Variants in ADCK1 observed in about 807,000 individuals in gnomAD.
The protein encoded by ADCK1 is aarF domain containing kinase 1, also known as aarF domain-containing protein kinase 1.
Under a neutral mutation model 52.3 loss-of-function variants are expected in ADCK1, and 41 were observed. The observed-to-expected ratio is 0.78, with a 90% CI of 0.61 to 1.02. The LOEUF (loss-of-function observed/expected upper bound fraction) is 1.02, where lower values mean the gene tolerates loss of function less well. Ranked by LOEUF, ADCK1 falls within the 50% of genes least tolerant of loss-of-function variation. The pLI is 0.00. For missense variants in ADCK1, 658 were observed against 679.5 expected, an observed-to-expected ratio of 0.97 and a Z score of 0.35; for synonymous variants, 250 against 274.6, an observed-to-expected ratio of 0.91 and a Z score of 0.89.
At chr14:77,886,672 T>C (rs3825689) in intron 4 of ADCK1, among the ~76,000 whole-genome samples, 42,080 of 152,010 alleles carry the variant, frequency 0.28, 6,919 homozygotes, top group African/African-American at 0.45. Flanking sequence ...CTCACGCCTG[T>C]AATCCTAGCA....
chr14:77,868,584 C>T (rs1351837816), intron 4 of ADCK1, among the ~76,000 whole-genome samples: 1 of 152,174 alleles, frequency 6.6e-6, no homozygotes, highest in Non-Finnish European at 1.5e-5. Flanking sequence ...AGTTCACTCT[C>T]AGTCCACAGG....
intron 4 of ADCK1, among the ~76,000 whole-genome samples, chr14:77,884,797 G>T (rs749096398): frequency 1.3e-5 from 2 of 152,230 alleles, no homozygotes; most frequent in South Asian, 4.1e-4. Flanking sequence ...GATTGAGTCT[G>T]ATTGGACCAG....
chr14:77,910,712 A>G (rs1025589898), intron 7 of ADCK1, among the ~76,000 whole-genome samples: 2 of 152,236 alleles, frequency 1.3e-5, no homozygotes, highest in African/African-American at 4.8e-5. Flanking sequence ...AAATGCAAAC[A>G]CAGAAAGGTG....
At chr14:77,883,441 T>C (rs1370881212) in intron 4 of ADCK1, among the ~76,000 whole-genome samples, 2 of 152,152 alleles carry the variant, frequency 1.3e-5, no homozygotes, top group East Asian at 3.9e-4. Flanking sequence ...GGGTCTATTT[T>C]TCCTTACCAT....
At chr14:77,834,996 C>T (rs1202599332) in intron 3 of ADCK1, among the ~76,000 whole-genome samples, 1 of 152,186 alleles carries the variant, frequency 6.6e-6, no homozygotes, top group African/African-American at 2.4e-5. Context: ...TGAAAACCTC[C>T]AGCAGTTTTC....
At chr14:77,810,129 T>G (rs530673364) in intron 1 of ADCK1, among the ~76,000 whole-genome samples, 2 of 152,084 alleles carry the variant, frequency 1.3e-5, no homozygotes, top group East Asian at 3.8e-4. Flanking sequence ...ATTACTTTTT[T>G]TTTTCTTGAG....
At chr14:77,877,985 AGCTCTCTCT>A (rs2082936413) in intron 4 of ADCK1, among the ~76,000 whole-genome samples, 1 of 126,940 alleles carries the variant, frequency 7.9e-6, no homozygotes, top group Non-Finnish European at 1.8e-5. Context: ...TTCTCAGAGA[AGCTCTCTCT>A]GCTCTCCCTG....
At chr14:77,920,625 C>G (rs960500740) in intron 7 of ADCK1, among the ~76,000 whole-genome samples, 1 of 152,108 alleles carries the variant, frequency 6.6e-6, no homozygotes, top group Non-Finnish European at 1.5e-5. Flanking sequence ...GACACATGTT[C>G]ATTCTGTATT....
chr14:77,882,545 A>G (rs141960201), intron 4 of ADCK1, among the ~76,000 whole-genome samples: 1 of 152,356 alleles, frequency 6.6e-6, no homozygotes, highest in African/African-American at 2.4e-5. Context: ...AAAGTGGGCT[A>G]TCTTGGAAGA....
chr14:77,916,465 A>AT (rs1283984563), intron 7 of ADCK1, among the ~76,000 whole-genome samples: 1 of 151,960 alleles, frequency 6.6e-6, no homozygotes, highest in Admixed American at 6.6e-5. Context: ...CTATTTATTT[A>AT]TTTATTTTAA....
chr14:77,931,942 A>G (rs1371499377), intron 10 of ADCK1, among the ~76,000 whole-genome samples: 1 of 152,124 alleles, frequency 6.6e-6, no homozygotes, highest in African/African-American at 2.4e-5. Flanking sequence ...CTCTCCACTA[A>G]TTGGTCCTGG....
chr14:77,847,903 G>T (rs2082204323), intron 3 of ADCK1, among the ~76,000 whole-genome samples: 1 of 152,168 alleles, frequency 6.6e-6, no homozygotes, highest in African/African-American at 2.4e-5. Flanking sequence ...GTTCCCGGGA[G>T]CCCAGACGTG....
chr14:77,904,003 G>A (rs2083604323), intron 6 of ADCK1, among the ~76,000 whole-genome samples: 1 of 152,104 alleles, frequency 6.6e-6, no homozygotes, highest in South Asian at 2.1e-4. Flanking sequence ...AACCCTTTGG[G>A]CAGGGTCACA....
At chr14:77,800,788 T>C (rs1013899053) in intron 1 of ADCK1, among the ~76,000 whole-genome samples, 3 of 152,240 alleles carry the variant, frequency 2.0e-5, no homozygotes, top group African/African-American at 7.2e-5. Flanking sequence ...CAGGGTTAAG[T>C]GGCATTTACT....
intron 3 of ADCK1, among the ~76,000 whole-genome samples, chr14:77,850,640 T>C (rs977040151): frequency 5.0e-5 from 7 of 140,756 alleles, no homozygotes; most frequent in Non-Finnish European, 9.0e-5. Context: ...AGCATTGGCA[T>C]GATATATCTT....
chr14:77,811,172 C>T (rs1021804743), intron 1 of ADCK1, among the ~76,000 whole-genome samples: 2 of 151,088 alleles, frequency 1.3e-5, no homozygotes, highest in Non-Finnish European at 3.0e-5. Context: ...AGCTGATAGG[C>T]AGGGGAGCAT....
At chr14:77,816,903 T>TAG (rs60115846) in intron 1 of ADCK1, among the ~76,000 whole-genome samples, 1 of 145,398 alleles carries the variant, frequency 6.9e-6, no homozygotes, top group African/African-American at 2.5e-5. Context: ...TATATATATA[T>TAG]TTAAAAAATG....
intron 1 of ADCK1, among the ~76,000 whole-genome samples, chr14:77,805,987 CTTTTTT>C (rs530925697): frequency 4.6e-5 from 4 of 87,702 alleles, no homozygotes; most frequent in African/African-American, 1.2e-4. Flanking sequence ...ATTCTTACGG[CTTTTTT>C]TTTTTTTTTT....
chr14:77,863,593 T>A (rs1199381866), intron 4 of ADCK1, among the ~76,000 whole-genome samples: 1 of 152,084 alleles, frequency 6.6e-6, no homozygotes, highest in Non-Finnish European at 1.5e-5. Context: ...TCCCAGCACT[T>A]TGGGAGGCTG....
Sources: gnomAD v4.1 joint callset for allele counts (sites outside exome capture counted in the v4.1 genomes callset) on GRCh38, gnomAD v4.1.1 for gene constraint, MANE v1.5 for transcripts, NCBI Gene and HGNC (gene_info 2026-07-23, HGNC 2026-07-21) for gene names.